METTL27: variants seen among roughly 807,000 people sequenced by gnomAD.
The protein encoded by METTL27 is methyltransferase-like protein 27.
A neutral mutation model predicts 24.5 loss-of-function variants in METTL27; 29 were observed. The observed-to-expected ratio is 1.18, with a 90% CI of 0.88 to 1.61. The LOEUF is 1.61. Ranked by LOEUF, METTL27 falls within the 40% of genes most tolerant of loss-of-function variation. The probability of loss-of-function intolerance (pLI) is 0.00; values close to 1 mark genes in which losing one functional copy is unlikely to be tolerated. For synonymous variants in METTL27, 138 were observed against 146.8 expected, an observed-to-expected ratio of 0.94 and a Z score of 0.43; for missense variants, 341 against 324.3, an observed-to-expected ratio of 1.05 and a Z score of -0.40.
At chr7:73,840,285 C>A in intron 4 of METTL27, 129 bp downstream of exon 4, 1 of 1,484,124 alleles carries the variant, frequency 6.7e-7, no homozygotes. Context: ...TTCTGGGCTG[C>A]AGTCAGATCG....
intron 5 of METTL27, among the ~76,000 whole-genome samples, chr7:73,837,286 T>A (rs1390049872): frequency 9.3e-5 from 9 of 97,062 alleles, no homozygotes; most frequent in Non-Finnish European, 1.2e-4. Flanking sequence ...CAATAAAAAA[T>A]AAATAAATAA....
intron 5 of METTL27, among the ~76,000 whole-genome samples, chr7:73,836,199 A>C (rs868917459): frequency 0.1 from 2,467 of 23,512 alleles, 8 homozygotes; most frequent in Non-Finnish European, 0.13. Flanking sequence ...GCCCCCCGCC[A>C]GGCCAGCCGC....
At chr7:73,837,474 T>TA (rs545986182) in intron 5 of METTL27, among the ~76,000 whole-genome samples, 290 of 81,840 alleles carry the variant, frequency 3.5e-3, no homozygotes, top group African/African-American at 6.9e-3. Context: ...AATGTTCCAA[T>TA]AAAAAAAAAA....
intron 4 of METTL27, 21 bp from the exon 5 acceptor site, chr7:73,840,141 GT>G: frequency 7.8e-6 from 11 of 1,412,364 alleles, no homozygotes; most frequent in Admixed American, 1.8e-5. Context: ...GTGGGGGGGG[GT>G]GGGGACATGG....
chr7:73,837,282 A>AAAAT (rs1309894433), intron 5 of METTL27, among the ~76,000 whole-genome samples: 12 of 134,622 alleles, frequency 8.9e-5, no homozygotes, highest in South Asian at 2.4e-4. Flanking sequence ...TTATCAATAA[A>AAAAT]AAATAAATAA....
At chr7:73,836,356 A>G (rs1788195811) in intron 5 of METTL27, among the ~76,000 whole-genome samples, 3 of 120,130 alleles carry the variant, frequency 2.5e-5, no homozygotes, top group African/African-American at 9.6e-5. Context: ...CCTACTGGGA[A>G]GTGAGGAGCC....
At chr7:73,836,357 G>A (rs1375116709) in intron 5 of METTL27, among the ~76,000 whole-genome samples, 1 of 141,992 alleles carries the variant, frequency 7.0e-6, no homozygotes, top group African/African-American at 2.6e-5. Context: ...CTACTGGGAA[G>A]TGAGGAGCCC....
At chr7:73,842,414 T>C (rs928063561) in intron 1 of METTL27, 76 bp downstream of exon 1, 14 of 431,508 alleles carry the variant, frequency 3.2e-5, no homozygotes, top group Non-Finnish European at 5.2e-5. Flanking sequence ...TTTTCCGCCC[T>C]CCGACTGAGA....
intron 4 of METTL27, 119 bp downstream of exon 4, chr7:73,840,295 G>C: frequency 1.3e-6 from 2 of 1,494,344 alleles, no homozygotes; most frequent in Admixed American, 2.2e-5. Flanking sequence ...CAGTCAGATC[G>C]TGGGGTGCAG....
At chr7:73,840,207 T>C in intron 4 of METTL27, 87 bp from the exon 5 acceptor site, 1 of 1,495,762 alleles carries the variant, frequency 6.7e-7, no homozygotes, top group Non-Finnish European at 9.0e-7. Flanking sequence ...ACCCTAGGGG[T>C]GGGACGAGGC....
chr7:73,837,308 TA>T (rs1353769516), intron 5 of METTL27, among the ~76,000 whole-genome samples: 7 of 131,878 alleles, frequency 5.3e-5, no homozygotes, highest in African/African-American at 9.4e-5. Flanking sequence ...TAAATAAATT[TA>T]AAAAAAATAA....
chr7:73,840,853 G>T (rs1160737722), intron 3 of METTL27, among the ~76,000 whole-genome samples: 1 of 152,112 alleles, frequency 6.6e-6, no homozygotes, highest in African/African-American at 2.4e-5. Context: ...AGAGACAGGG[G>T]TCTTGCTATG....
At chr7:73,837,307 T>TAA (rs1584337299) in intron 5 of METTL27, among the ~76,000 whole-genome samples, 1 of 56,040 alleles carries the variant, frequency 1.8e-5, no homozygotes, top group African/African-American at 5.6e-5. Context: ...ATAAATAAAT[T>TAA]TAAAAAAAAT....
chr7:73,834,892 C>T lies in METTL27; in HGVS notation c.589G>A (p.Val197Met). Residue 197 changes from valine to methionine, a missense_variant, in exon 6 of 6, where the codon GTG becomes ATG. Val to Met is a conservative substitution (Grantham distance 21). Coordinates refer to ENST00000297873, the MANE Select transcript of METTL27 (RefSeq NM_152559.3). Reference sequence around the variant, plus strand: ...CACAGGCGGTCCACAGGCCAGGCCACCAGGCCTTCCCACATCCCAGCCTGC... The same window carrying T: ...CACAGGCGGTCCACAGGCCAGGCCATCAGGCCTTCCCACATCCCAGCCTGC... ...LEQAGMWEGLVAWPVDRLWTA... is the reference protein window; with the variant it reads ...LEQAGMWEGLMAWPVDRLWTA... 6.2e-7 allele frequency: 1 copy of T among 1,614,058 alleles called. No individual in the cohort carries two copies. Among genetic ancestry groups the T allele is most frequent in the Non-Finnish European group, 8.5e-7 (1 of 1,180,006 alleles).
At chr7:73,840,989 A>C in intron 3 of METTL27, 81 bp downstream of exon 3, 2 of 1,389,578 alleles carry the variant, frequency 1.4e-6, no homozygotes, top group Non-Finnish European at 1.9e-6. Flanking sequence ...GGTGTGGGGC[A>C]GGGTTCTGGG....
Position 73,840,125 on chromosome 7 carries a change from G to A in METTL27, c.389-5C>T, listed in dbSNP as rs782257024. 1.3e-6 allele frequency: 2 copies of A among 1,527,364 alleles called. No homozygotes were observed. The highest frequency in any genetic ancestry group is 1.9e-5 in the Admixed American group (1 of 53,656). 94.6% of individuals were successfully genotyped at this position (1,527,364 alleles called of 1,614,324 possible). Reference sequence around the variant, plus strand: ...TCAGCACCGCGTCGAAGGTCCCTGTGTGTGTGTGGGGGGGGGTGGGGACAT... The same window carrying A: ...TCAGCACCGCGTCGAAGGTCCCTGTATGTGTGTGGGGGGGGGTGGGGACAT... On this transcript the variant is annotated splice_region_variant and splice_polypyrimidine_tract_variant and intron_variant, in intron 4 of 5. Transcript: ENST00000297873.
rs139644734 is a variant in METTL27 at position 73,838,891 on chromosome 7, C to A, written c.478+1140G>T. On this transcript the variant is annotated intron_variant, in intron 5 of 5. Transcript: ENST00000297873. ...GATTTCCTGTCCTGCAGCCAGCCAG[C>A]GCCTCCTCGTTCTCATGCTCAGCCC... Among the ~76,000 whole-genome samples, 28 of 152,274 alleles carry A rather than the reference C, an allele frequency of 1.8e-4. No individual in the cohort carries two copies. The East Asian group carries it at 4.8e-3, about 26-fold the overall frequency.
At chr7:73,838,280 T>C (rs537557397) in intron 5 of METTL27, among the ~76,000 whole-genome samples, 1 of 152,288 alleles carries the variant, frequency 6.6e-6, no homozygotes, top group African/African-American at 2.4e-5. Context: ...ATGTGGGCTT[T>C]GGATCTTGGG....
At chr7:73,842,355 G>A (rs1318826022) in intron 1 of METTL27, 135 bp downstream of exon 1, 1 of 723,770 alleles carries the variant, frequency 1.4e-6, no homozygotes, top group African/African-American at 1.9e-5. Context: ...GGAAGGGCAA[G>A]GTGGGAGAAG....
Sources: gnomAD v4.1 joint callset for allele counts (sites outside exome capture counted in the v4.1 genomes callset) on GRCh38, gnomAD v4.1.1 for gene constraint, MANE v1.5 for transcripts, NCBI Gene and HGNC (gene_info 2026-07-23, HGNC 2026-07-21) for gene names.